Variants in OTOF observed in about 807,000 individuals in gnomAD.
OTOF encodes the protein fer-1-like family member 2.
A neutral mutation model predicts 236.8 loss-of-function variants in OTOF; 218 were observed. That is an observed-to-expected ratio of 0.92 (90% confidence interval 0.82 to 1.03). The LOEUF (loss-of-function observed/expected upper bound fraction) is 1.03. Among genes scored for constraint, OTOF ranks in the 50% least tolerant of loss-of-function variants. OTOF has a pLI of 0.00. For synonymous variants in OTOF, 1,041 were observed against 1,072.5 expected (o/e 0.97, Z 0.57); for missense variants, 2,590 against 2,694.4 (o/e 0.96, Z 0.86).
chr2:26,525,109 G>T (rs1196568046), intron 3 of OTOF, among the ~76,000 whole-genome samples: 1 of 152,208 alleles, frequency 6.6e-6, no homozygotes, highest in Non-Finnish European at 1.5e-5. Flanking sequence ...CTGGTGGGGG[G>T]TGTCTCACCA....
Position 26,471,153 on chromosome 2 carries a change from G to A in OTOF, c.3865-3C>T. On this transcript the variant is annotated splice_region_variant and splice_polypyrimidine_tract_variant and intron_variant, in intron 30 of 46. Transcript: ENST00000272371. Reference sequence around the variant, plus strand: ...ACCTTGACAACAGCTTCAGAAGTCTGCAGAGGAACCAAGGAGACAGGGGCA... The same window carrying A: ...ACCTTGACAACAGCTTCAGAAGTCTACAGAGGAACCAAGGAGACAGGGGCA... 1.2e-6 allele frequency: 2 copies of A among 1,614,098 alleles called. No homozygotes were observed. Among genetic ancestry groups the A allele is most frequent in the Non-Finnish European group, 1.7e-6 (2 of 1,180,000 alleles).
At position 26,457,630 on chromosome 2, in the gene OTOF, T is replaced by G; in HGVS notation, c.*608A>C. 5.6e-6 allele frequency: 1 copy of G among 178,614 alleles called. No homozygotes were observed. Among genetic ancestry groups the G allele is most frequent in the South Asian group, 1.3e-4 (1 of 7,588 alleles). The allele number at this position is 178,614 out of a possible 1,614,324, so 11.1% of individuals were successfully genotyped here. A position where few individuals can be genotyped will look rare whatever the true frequency, so the allele number is the denominator to read the frequency against. On this transcript the variant is annotated 3_prime_UTR_variant, in exon 47 of 47. Coordinates refer to ENST00000272371, the MANE Select transcript of OTOF (RefSeq NM_194248.3). The surrounding 1 kb of genome is among the most constrained non-coding windows in gnomAD (Gnocchi z 4.4). Reference sequence around the variant, plus strand: ...CACGGCGGGGATACCTTTTGCTCGTTCATTCTTTTTAAAGCCCTGGGCACT... The same window carrying G: ...CACGGCGGGGATACCTTTTGCTCGTGCATTCTTTTTAAAGCCCTGGGCACT...
rs556992358 is a variant in OTOF, at chr2:26,475,534, G to T, written c.2992-41C>A. 3.5e-5 allele frequency: 56 copies of T among 1,605,342 alleles called. No individual in the cohort carries two copies. In the East Asian group the frequency reaches 7.6e-4, roughly 22 times the overall value. ...GGGAGACAGGGGACAAGTGACAGAG[G>T]GGGGGGCAGATGCACAAACAGAAGC... is the stretch of plus-strand genomic sequence containing the variant. On this transcript the variant is annotated intron_variant, in intron 24 of 46. Coordinates refer to ENST00000272371, the MANE Select transcript of OTOF (RefSeq NM_194248.3).
intron 2 of OTOF, among the ~76,000 whole-genome samples, chr2:26,533,381 G>A (rs1409653706): frequency 1.3e-5 from 2 of 152,270 alleles, no homozygotes; most frequent in East Asian, 3.9e-4. Flanking sequence ...TATCCCGAGT[G>A]TGGCTATTTC....
intron 5 of OTOF, among the ~76,000 whole-genome samples, chr2:26,508,684 G>A (rs1284667938): frequency 3.9e-5 from 6 of 152,284 alleles, no homozygotes; most frequent in Admixed American, 1.3e-4. Context: ...GAGTTCTTTC[G>A]TGGGTTGAAT....
rs920044668 is a variant in OTOF at position 26,473,061 on chromosome 2, G to A, written c.3733+71C>T. 3.3e-6 allele frequency: 5 copies of A among 1,496,098 alleles called. No individual in the cohort carries two copies. The highest frequency in any genetic ancestry group is 4.6e-6 in the Non-Finnish European group (5 of 1,087,804). The allele number at this position is 1,496,098 out of a possible 1,614,324, so 92.7% of individuals were successfully genotyped here. Reference sequence around the variant, plus strand: ...GCAAACTCTGGTCGCGGCTTGGACTGGGCGGAGACCTGGAGCCCTTCCCTG... The same window carrying A: ...GCAAACTCTGGTCGCGGCTTGGACTAGGCGGAGACCTGGAGCCCTTCCCTG... On this transcript the variant is annotated intron_variant, in intron 29 of 46. Coordinates refer to ENST00000272371, the MANE Select transcript of OTOF (RefSeq NM_194248.3). This position sits in a 1 kb window ranked among gnomAD's most constrained non-coding sequence, Gnocchi z 7.2.
chr2:26,503,947 G>T, intron 5 of OTOF, 102 bp from the exon 6 acceptor site: 1 of 1,045,348 alleles, frequency 9.6e-7, no homozygotes, highest in East Asian at 2.4e-5. Flanking sequence ...TCAGAGAAGG[G>T]AGATGGACCC....
intron 1 of OTOF, among the ~76,000 whole-genome samples, chr2:26,550,386 C>G (rs1213320410): frequency 6.6e-6 from 1 of 151,990 alleles, no homozygotes; most frequent in Non-Finnish European, 1.5e-5. Context: ...GCTAACTGAT[C>G]ACTGCTCCTG....
In OTOF at chr2:26,460,903, T is replaced by C; in HGVS notation, c.5661A>G (p.Lys1887=). 1 of 1,614,144 alleles carries C rather than the reference T, an allele frequency of 6.2e-7. No individual in the cohort carries two copies. Among genetic ancestry groups the C allele is most frequent in the African/African-American group, 1.3e-5 (1 of 75,056 alleles). ...TGCGGGCCAGGAGGGGCCACCAGCC[T>C]TTGACGCGCTTTTGCTTGAAGATGG... ...LVSIFKQKRV[K]GWWPLLARNE... The change falls in exon 44 of 47, where the codon AAA becomes AAG. Residue 1887 remains lysine (K), a synonymous_variant. Transcript: ENST00000272371. The surrounding 1 kb of genome is among the most constrained non-coding windows in gnomAD (Gnocchi z 5.3).
intron 1 of OTOF, among the ~76,000 whole-genome samples, chr2:26,554,634 C>T (rs1182088224): frequency 1.3e-5 from 2 of 151,540 alleles, no homozygotes; most frequent in East Asian, 1.9e-4. Context: ...AATTAATGGG[C>T]GTTCTCAAGG....
At chr2:26,526,806 C>A (rs1666817401) in intron 3 of OTOF, among the ~76,000 whole-genome samples, 1 of 152,222 alleles carries the variant, frequency 6.6e-6, no homozygotes, top group African/African-American at 2.4e-5. Flanking sequence ...CACCTCCATA[C>A]CTTCTTGGAC....
chr2:26,458,951 C>T (rs1439282885), intron 46 of OTOF, among the ~76,000 whole-genome samples: 5 of 152,200 alleles, frequency 3.3e-5, no homozygotes, highest in East Asian at 3.9e-4. Context: ...AAGTGAGGCA[C>T]CTCTATCAAC....
intron 30 of OTOF, among the ~76,000 whole-genome samples, chr2:26,471,739 C>T (rs1664982911): frequency 6.6e-6 from 1 of 152,212 alleles, no homozygotes; most frequent in African/African-American, 2.4e-5. Flanking sequence ...AGTGCACATG[C>T]ACACACCCAC....
At chr2:26,540,131 G>A (rs13005912) in intron 1 of OTOF, among the ~76,000 whole-genome samples, 55,090 of 152,056 alleles carry the variant, frequency 0.36, 11,867 homozygotes, top group Admixed American at 0.52. Flanking sequence ...ATGGGGTTTC[G>A]CATGTTGGTC....
Position 26,461,480 on chromosome 2 carries a change from T to G in OTOF, c.5533+216A>C, listed in dbSNP as rs533662392. The stretch of plus-strand genomic sequence containing the variant: ...GCCCCCTCCTTGGTGTGTCCAAAGC[T>G]TGTTGTCAGCCTGGTTATGACACTG... On this transcript the variant is annotated intron_variant, in intron 43 of 46. Coordinates refer to ENST00000272371, the MANE Select transcript of OTOF (RefSeq NM_194248.3). This position sits in a 1 kb window ranked among gnomAD's most constrained non-coding sequence, Gnocchi z 6.2. Among the ~76,000 whole-genome samples, 12 of 151,786 alleles carry G rather than the reference T, an allele frequency of 7.9e-5. 1 individual carries two copies. Among genetic ancestry groups the G allele is most frequent in the African/African-American group, 2.9e-4 (12 of 41,416 alleles).
At chr2:26,483,924 G>A (rs1227495466) in intron 12 of OTOF, among the ~76,000 whole-genome samples, 1 of 152,214 alleles carries the variant, frequency 6.6e-6, no homozygotes, top group Non-Finnish European at 1.5e-5. Context: ...AAACATATGA[G>A]TGCTTTGTAG....
chr2:26,457,370 C>G lies in OTOF; in HGVS notation c.*868G>C, dbSNP rs1034971021. ...CAGGGGTGGGAGGACAGGGTGTGCC[C>G]GGGATGGGGAGTCCCCTCTGCTGCT... is the stretch of plus-strand genomic sequence containing the variant. On this transcript the variant is annotated 3_prime_UTR_variant, in exon 47 of 47. Coordinates refer to ENST00000272371, the MANE Select transcript of OTOF (RefSeq NM_194248.3). This position sits in a 1 kb window ranked among gnomAD's most constrained non-coding sequence, Gnocchi z 4.4. 1 of 152,530 alleles carries G rather than the reference C, an allele frequency of 6.6e-6. No homozygotes were observed. Among genetic ancestry groups the G allele is most frequent in the Non-Finnish European group, 1.5e-5 (1 of 68,284 alleles). The allele number at this position is 152,530 out of a possible 1,614,324, so 9.4% of individuals were successfully genotyped here.
chr2:26,533,732 G>C (rs1291196912), intron 2 of OTOF, among the ~76,000 whole-genome samples: 2 of 152,232 alleles, frequency 1.3e-5, no homozygotes, highest in South Asian at 2.1e-4. Flanking sequence ...ACTCGGTCTG[G>C]GCACAGGCCT....
chr2:26,466,393 A>G (rs1664727552), intron 36 of OTOF: 1 of 507,684 alleles, frequency 2.0e-6, no homozygotes, highest in Admixed American at 3.2e-5. Context: ...CTGGAGTGCA[A>G]TGACGTGATC....
Sources: allele counts gnomAD v4.1 joint callset (sites outside exome capture counted in the v4.1 genomes callset), GRCh38; gene constraint gnomAD v4.1.1; non-coding constraint Gnocchi (gnomAD v3.1); transcripts MANE v1.5; gene names NCBI Gene and HGNC (gene_info 2026-07-23, HGNC 2026-07-21).